PIGU: variants seen among roughly 807,000 people sequenced by gnomAD.
PIGU encodes phosphatidylinositol glycan anchor biosynthesis class U.
A neutral mutation model predicts 49.9 loss-of-function variants in PIGU; 24 were observed. The ratio of observed to expected loss-of-function variants is 0.48; its 90% CI spans 0.35 to 0.68. The LOEUF is 0.68. Ranked by LOEUF, PIGU falls within the 30% of genes least tolerant of loss-of-function variation. PIGU has a pLI of 0.01. For synonymous variants in PIGU, 220 were observed against 205.7 expected (o/e 1.07, Z -0.59); for missense variants, 490 against 532.6 (o/e 0.92, Z 0.79).
chr20:34,633,620 T>G (rs146582515), intron 6 of PIGU, among the ~76,000 whole-genome samples: 2,892 of 151,896 alleles, frequency 0.019, 46 homozygotes, highest in South Asian at 0.059. Context: ...CAGGCTGGAA[T>G]GCAGTGGCGA....
chr20:34,662,730 A>C (rs150804575), intron 1 of PIGU, among the ~76,000 whole-genome samples: 1 of 152,266 alleles, frequency 6.6e-6, no homozygotes, highest in African/African-American at 2.4e-5. Context: ...TAATTATTTG[A>C]AAGAGAGAGA....
chr20:34,607,913 G>A (rs1018015112), intron 7 of PIGU, among the ~76,000 whole-genome samples: 6 of 152,062 alleles, frequency 3.9e-5, no homozygotes, highest in Admixed American at 3.9e-4. Context: ...ACTGCACCCA[G>A]CTATAATTCC....
At chr20:34,630,927 G>A (rs963346335) in intron 6 of PIGU, among the ~76,000 whole-genome samples, 3 of 152,016 alleles carry the variant, frequency 2.0e-5, no homozygotes, top group African/African-American at 4.8e-5. Context: ...TTATGGGTGT[G>A]AGTCATTGTG....
intron 10 of PIGU, among the ~76,000 whole-genome samples, chr20:34,576,192 T>C (rs1440488631): frequency 2.0e-5 from 3 of 151,934 alleles, no homozygotes; most frequent in African/African-American, 2.4e-5. Context: ...CTGGGCAACA[T>C]AGTGAGAGCC....
chr20:34,663,111 C>T (rs923978798), intron 1 of PIGU, among the ~76,000 whole-genome samples: 3 of 152,096 alleles, frequency 2.0e-5, no homozygotes, highest in African/African-American at 4.8e-5. Context: ...TGCCATGTTG[C>T]GCAGGCTGGT....
intron 6 of PIGU, among the ~76,000 whole-genome samples, chr20:34,629,972 G>A (rs943908827): frequency 1.3e-5 from 2 of 152,158 alleles, no homozygotes; most frequent in Non-Finnish European, 2.9e-5. Context: ...TGATGTGGAA[G>A]AAATTACAGC....
rs1233256899 is a variant in PIGU, at chr20:34,596,085, C to T, written c.628-7478G>A. Among the ~76,000 whole-genome samples the T allele has an allele frequency of 7.2e-5, 11 of 152,294 alleles. 1 individual carries two copies. The South Asian group carries it at 1.7e-3, about 23-fold the overall frequency. On this transcript the variant is annotated intron_variant, in intron 7 of 11. Transcript: ENST00000217446. Reference sequence around the variant, plus strand: ...AGTGGAGAAACCTGGCAGACACTAACGTCACCAAGTGATCAAGGTAAACAT... The same window carrying T: ...AGTGGAGAAACCTGGCAGACACTAATGTCACCAAGTGATCAAGGTAAACAT...
chr20:34,617,423 G>C (rs1036782117), intron 6 of PIGU, among the ~76,000 whole-genome samples: 4 of 152,224 alleles, frequency 2.6e-5, no homozygotes, highest in African/African-American at 9.6e-5. Flanking sequence ...GTGAGACATG[G>C]AGTCAAAGAA....
intron 7 of PIGU, among the ~76,000 whole-genome samples, chr20:34,595,868 G>T (rs573230744): frequency 6.6e-6 from 1 of 152,190 alleles, no homozygotes; most frequent in Non-Finnish European, 1.5e-5. Context: ...GGAGGCCAAG[G>T]TGGGTGGATC....
At chr20:34,660,767 C>T (rs1439330572) in intron 1 of PIGU, among the ~76,000 whole-genome samples, 1 of 151,896 alleles carries the variant, frequency 6.6e-6, no homozygotes, top group African/African-American at 2.4e-5. Flanking sequence ...AGGAAGTATC[C>T]CAGATTATAA....
At chr20:34,575,972 G>T (rs577562599) in intron 10 of PIGU, among the ~76,000 whole-genome samples, 2 of 152,154 alleles carry the variant, frequency 1.3e-5, no homozygotes, top group African/African-American at 4.8e-5. Context: ...CATGGCAGCC[G>T]GGTACAGACC....
At chr20:34,589,506 C>T (rs1231989088) in intron 7 of PIGU, among the ~76,000 whole-genome samples, 1 of 152,060 alleles carries the variant, frequency 6.6e-6, no homozygotes, top group Non-Finnish European at 1.5e-5. Flanking sequence ...GTGCGCACCA[C>T]CACACCCAGT....
chr20:34,639,882 G>A (rs565554141), intron 4 of PIGU, among the ~76,000 whole-genome samples: 27 of 152,172 alleles, frequency 1.8e-4, no homozygotes, highest in Non-Finnish European at 2.5e-4. Context: ...ATAAACCAAG[G>A]TGCTTTTATC....
intron 7 of PIGU, among the ~76,000 whole-genome samples, chr20:34,612,571 T>C (rs754227096): frequency 2.6e-5 from 4 of 151,424 alleles, no homozygotes; most frequent in Admixed American, 1.3e-4. Flanking sequence ...CAAAAACAAA[T>C]AAATAAATAA....
chr20:34,570,307 T>A (rs531092785), intron 11 of PIGU, among the ~76,000 whole-genome samples: 1 of 152,216 alleles, frequency 6.6e-6, no homozygotes, highest in Non-Finnish European at 1.5e-5. Flanking sequence ...TTTATGTAAA[T>A]GCACACAGAA....
intron 1 of PIGU, among the ~76,000 whole-genome samples, chr20:34,663,363 G>T (rs1254066407): frequency 6.6e-6 from 1 of 152,092 alleles, no homozygotes; most frequent in Non-Finnish European, 1.5e-5. Context: ...TGTGGTCCCA[G>T]CTACTTGGGA....
intron 6 of PIGU, among the ~76,000 whole-genome samples, chr20:34,623,565 A>G (rs1427371126): frequency 6.6e-6 from 1 of 152,194 alleles, no homozygotes; most frequent in East Asian, 1.9e-4. Flanking sequence ...CTAGTGAATG[A>G]GAGCAATAGG....
intron 7 of PIGU, among the ~76,000 whole-genome samples, chr20:34,600,872 T>C (rs1284215816): frequency 2.0e-5 from 3 of 151,940 alleles, no homozygotes; most frequent in Non-Finnish European, 4.4e-5. Context: ...CCGTCTCTAC[T>C]AAAAATACAA....
At chr20:34,585,643 T>C (rs1178708982) in intron 8 of PIGU, 63 bp from the exon 9 acceptor site, 15 of 1,564,196 alleles carry the variant, frequency 9.6e-6, no homozygotes, top group Non-Finnish European at 1.3e-5. Context: ...TGCTTTGACC[T>C]TGATTTCTCC....
Sources: gnomAD v4.1 joint callset for allele counts (sites outside exome capture counted in the v4.1 genomes callset) on GRCh38, gnomAD v4.1.1 for gene constraint, MANE v1.5 for transcripts, NCBI Gene and HGNC (gene_info 2026-07-23, HGNC 2026-07-21) for gene names.